GGNBP2: variants seen among roughly 807,000 people sequenced by gnomAD.
GGNBP2 encodes the protein gametogenetin-binding protein 2.
Under a neutral mutation model 85.9 loss-of-function variants are expected in GGNBP2, and 10 were observed. That is an observed-to-expected ratio of 0.12 (90% CI 0.07 to 0.20). The LOEUF is 0.20. Ranked by LOEUF, GGNBP2 falls within the 10% of genes least tolerant of loss-of-function variation. GGNBP2 has a pLI of 1.00. For synonymous variants in GGNBP2, 287 were observed against 285.7 expected, an observed-to-expected ratio of 1.00 and a Z score of -0.05; for missense variants, 595 against 857.8, an observed-to-expected ratio of 0.69 and a Z score of 3.83.
In GGNBP2 at chr17:36,545,817, G is replaced by A. The variant is rs1478473061; in HGVS notation, c.93G>A (p.Thr31=). ...CCCTCTACATAGACGACACCCTGAC[G>A]GTGAGCGGGCCGGGCCGGGCTGGGC... ...QIPLYIDDTL[T]MVMEFPDNVL... Residue 31 remains threonine (T), a splice_region_variant and synonymous_variant, in exon 2 of 14, where the codon ACG becomes ACA. Transcript: ENST00000613102. 1.3e-6 allele frequency: 2 copies of A among 1,551,206 alleles called. No homozygotes were observed. Among genetic ancestry groups the A allele is most frequent in the Non-Finnish European group, 1.7e-6 (2 of 1,146,760 alleles).
intron 2 of GGNBP2, among the ~76,000 whole-genome samples, chr17:36,552,847 C>G (rs558978287): frequency 6.6e-6 from 1 of 152,118 alleles, no homozygotes; most frequent in African/African-American, 2.4e-5. Flanking sequence ...ATGGCAAAAC[C>G]CTGTTTCTAC....
chr17:36,575,681 T>G (rs183234147), intron 6 of GGNBP2, among the ~76,000 whole-genome samples: 348 of 133,594 alleles, frequency 2.6e-3, no homozygotes, highest in African/African-American at 9.8e-3. Flanking sequence ...AGTTTCGCTC[T>G]TCTTATGCAG....
At chr17:36,581,022 C>T (rs191309927) in intron 8 of GGNBP2, among the ~76,000 whole-genome samples, 65 of 151,796 alleles carry the variant, frequency 4.3e-4, no homozygotes, top group Admixed American at 1.9e-3. Context: ...CGGTGGCTCA[C>T]GCCTGTAATC....
chr17:36,568,357 C>T (rs572116600), intron 6 of GGNBP2, among the ~76,000 whole-genome samples: 21 of 151,926 alleles, frequency 1.4e-4, no homozygotes, highest in South Asian at 4.2e-4. Flanking sequence ...AGTGCAGTAG[C>T]GAGACCTCGG....
intron 6 of GGNBP2, among the ~76,000 whole-genome samples, chr17:36,568,890 G>C (rs997745009): frequency 6.6e-5 from 10 of 151,808 alleles, no homozygotes; most frequent in African/African-American, 2.4e-4. Context: ...CAAGTAGCTG[G>C]GATTACAGGC....
At chr17:36,580,475 G>A (rs544662721) in intron 8 of GGNBP2, among the ~76,000 whole-genome samples, 143 of 151,854 alleles carry the variant, frequency 9.4e-4, no homozygotes, top group African/African-American at 3.4e-3. Context: ...GCCTCCCAAA[G>A]TGCTGGGATT....
intron 4 of GGNBP2, among the ~76,000 whole-genome samples, chr17:36,559,163 G>A (rs2074392269): frequency 6.6e-6 from 1 of 150,692 alleles, no homozygotes; most frequent in African/African-American, 2.4e-5. Context: ...GCCGGGCGTG[G>A]TGGCAGGCAC....
chr17:36,550,840 T>C (rs1173454989), intron 2 of GGNBP2, among the ~76,000 whole-genome samples: 1 of 152,200 alleles, frequency 6.6e-6, no homozygotes, highest in African/African-American at 2.4e-5. Context: ...TAACCTAGAA[T>C]CTCAAGATTA....
At position 36,568,793 on chromosome 17, in the gene GGNBP2, G is replaced by A. The variant is rs116996205; in HGVS notation, c.641+1017G>A. On this transcript the variant is annotated intron_variant, in intron 6 of 13. Coordinates refer to ENST00000613102, the MANE Select transcript of GGNBP2 (RefSeq NM_024835.5). The stretch of plus-strand genomic sequence containing the variant: ...TTTTTTTGAGACGAAGTCTCGCTCT[G>A]TTGCCAGGCTGGAATGCGCTGGCTC... 7.5e-4 allele frequency among the ~76,000 whole-genome samples: 111 copies of A among 148,920 alleles called. 4 individuals carry two copies. In the East Asian group the frequency reaches 0.022, roughly 30 times the overall value.
chr17:36,563,058 G>A (rs2074435046), intron 5 of GGNBP2, among the ~76,000 whole-genome samples: 1 of 151,188 alleles, frequency 6.6e-6, no homozygotes, highest in African/African-American at 2.4e-5. Flanking sequence ...CTGAGGTCGG[G>A]GGTTCGAGAC....
At chr17:36,569,933 ATATCT>A (rs1449857795) in intron 6 of GGNBP2, among the ~76,000 whole-genome samples, 1 of 152,214 alleles carries the variant, frequency 6.6e-6, no homozygotes, top group Non-Finnish European at 1.5e-5. Context: ...CATTTTACAG[ATATCT>A]TAACGGTTGT....
At chr17:36,586,495 A>G (rs923803971) in intron 12 of GGNBP2, 5 of 366,456 alleles carry the variant, frequency 1.4e-5, no homozygotes, top group African/African-American at 6.1e-5. Flanking sequence ...ATTAGGTTCT[A>G]TGAAGGTGAA....
intron 6 of GGNBP2, chr17:36,576,633 ATG>A (rs2074592721): frequency 3.6e-5 from 4 of 112,590 alleles, no homozygotes; most frequent in African/African-American, 1.1e-4. Context: ...GTGTGTGTAT[ATG>A]TATATATGTA....
Position 36,579,230 on chromosome 17 carries a change from T to C in GGNBP2, c.846-15T>C, listed in dbSNP as rs377003214. The C allele has an allele frequency of 3.1e-6, 5 of 1,610,680 alleles. No individual in the cohort carries two copies. In the Admixed American group the frequency reaches 5.0e-5, roughly 16 times the overall value. ...TCAGTTAAAGGTATTAGTGTGTGAT[T>C]ATTCCCTTTTATAGGCGAAGAGAAA... On this transcript the variant is annotated splice_polypyrimidine_tract_variant and intron_variant, in intron 7 of 13. Coordinates refer to ENST00000613102, the MANE Select transcript of GGNBP2 (RefSeq NM_024835.5).
chr17:36,558,132 G>A (rs1041662570), intron 4 of GGNBP2, among the ~76,000 whole-genome samples: 2 of 151,392 alleles, frequency 1.3e-5, no homozygotes, highest in African/African-American at 2.4e-5. Flanking sequence ...AAAGAAGAGC[G>A]ACTGGGCGCG....
intron 5 of GGNBP2, among the ~76,000 whole-genome samples, chr17:36,567,414 C>T (rs1166867505): frequency 6.6e-6 from 1 of 152,138 alleles, no homozygotes; most frequent in African/African-American, 2.4e-5. Context: ...CAGATTATCT[C>T]AGTGTCACTA....
intron 13 of GGNBP2, 122 bp from the exon 14 acceptor site, chr17:36,589,086 A>G (rs2074732619): frequency 1.5e-6 from 1 of 680,720 alleles, no homozygotes; most frequent in East Asian, 2.5e-5. Context: ...CTCCAATTAA[A>G]GGCTTTATGT....
intron 4 of GGNBP2, among the ~76,000 whole-genome samples, chr17:36,558,117 G>C (rs2142709770): frequency 7.0e-6 from 1 of 142,748 alleles, no homozygotes; most frequent in Admixed American, 7.1e-5. Context: ...GTTTCAAAAA[G>C]AAAAAAAGAA....
At chr17:36,580,045 AAC>A (rs2074631127) in intron 8 of GGNBP2, among the ~76,000 whole-genome samples, 3 of 152,212 alleles carry the variant, frequency 2.0e-5, no homozygotes, top group East Asian at 1.9e-4. Flanking sequence ...AAACAAAAAA[AAC>A]ACACATAACT....
Sources: gnomAD v4.1 joint callset for allele counts (sites outside exome capture counted in the v4.1 genomes callset) on GRCh38, gnomAD v4.1.1 for gene constraint, MANE v1.5 for transcripts, NCBI Gene and HGNC (gene_info 2026-07-23, HGNC 2026-07-21) for gene names.